Variants in WASL observed in about 807,000 individuals in gnomAD.
WASL encodes the protein WASP like actin nucleation promoting factor, also known as actin nucleation-promoting factor WASL.
WASL carries 20 observed loss-of-function variants against 55.5 expected under a neutral mutation model. That is an observed-to-expected ratio of 0.36 (90% CI 0.25 to 0.52). WASL has a LOEUF of 0.52. Ranked by LOEUF, WASL falls within the 20% of genes least tolerant of loss-of-function variation. The pLI, the probability that WASL is intolerant of heterozygous loss-of-function variation, is 0.92. For synonymous variants in WASL, 249 were observed against 217.6 expected (o/e 1.14, Z -1.27); for missense variants, 504 against 622.5 (o/e 0.81, Z 2.03).
rs780461649 is a variant in WASL, at chr7:123,689,064, C to T, written c.1434G>A (p.Arg478=). The T allele has an allele frequency of 2.5e-6, 4 of 1,611,080 alleles. No individual in the cohort carries two copies. The East Asian group carries it at 6.7e-5, about 27-fold the overall frequency. ...VGALMEVMQK[R]SKAIHSSDED... ...TACCTGAAGAATGAATGGCTTTGCT[C>T]CTTTTCTGCATCACTTCCATTAATG... The change falls in exon 10 of 11, where the codon AGG becomes AGA. Residue 478 remains arginine (R), a synonymous_variant. Transcript: ENST00000223023.
intron 1 of WASL, among the ~76,000 whole-genome samples, chr7:123,724,461 CATA>C (rs1485334340): frequency 3.9e-5 from 6 of 152,140 alleles, no homozygotes; most frequent in African/African-American, 1.2e-4. Flanking sequence ...TCTGTATTCT[CATA>C]ATATTTCATT....
At chr7:123,734,068 G>A (rs768795398) in intron 1 of WASL, among the ~76,000 whole-genome samples, 5 of 152,082 alleles carry the variant, frequency 3.3e-5, no homozygotes, top group Non-Finnish European at 5.9e-5. Context: ...CTGGGGGTCG[G>A]TGATGACTTT....
chr7:123,727,353 T>TCGCACACACACACACACACACA (rs1554406247), intron 1 of WASL, among the ~76,000 whole-genome samples: 1 of 147,710 alleles, frequency 6.8e-6, no homozygotes, highest in African/African-American at 2.5e-5. Context: ...AAAATATGTG[T>TCGCACACACACACACACACACA]CACACACACA....
At chr7:123,702,202 T>G (rs893852306) in intron 5 of WASL, among the ~76,000 whole-genome samples, 1 of 151,952 alleles carries the variant, frequency 6.6e-6, no homozygotes, top group Non-Finnish European at 1.5e-5. Flanking sequence ...ATTACAGACA[T>G]GCGCCACCAT....
chr7:123,731,661 G>A (rs1026030142), intron 1 of WASL, among the ~76,000 whole-genome samples: 5 of 152,068 alleles, frequency 3.3e-5, no homozygotes, highest in African/African-American at 1.2e-4. Context: ...AGGAAAATTC[G>A]TAAATATTTC....
At chr7:123,690,206 G>A (rs184214165) in intron 9 of WASL, among the ~76,000 whole-genome samples, 4 of 152,166 alleles carry the variant, frequency 2.6e-5, no homozygotes, top group Non-Finnish European at 5.9e-5. Context: ...GTAAAGCAGA[G>A]AGCACAAAGC....
In WASL at chr7:123,727,353, T is replaced by TCGCACACACA. The variant is rs1554406247; in HGVS notation, c.118-18131_118-18130insTGTGTGTGCG. ...TGCCCAAAAGAAATAAAAATATGTGTCACACACACACACACACACACACAC... is the reference window on the plus strand; with the variant it reads ...TGCCCAAAAGAAATAAAAATATGTGTCGCACACACACACACACACACACACACACACACAC... On this transcript the variant is annotated intron_variant, in intron 1 of 10. Transcript: ENST00000223023. Among the ~76,000 whole-genome samples the TCGCACACACA allele has an allele frequency of 3.9e-4, 57 of 147,818 alleles. No individual in the cohort carries two copies. In the South Asian group the frequency reaches 5.2e-3, roughly 13 times the overall value.
chr7:123,722,815 C>T (rs1302315489), intron 1 of WASL, among the ~76,000 whole-genome samples: 1 of 151,990 alleles, frequency 6.6e-6, no homozygotes, highest in Non-Finnish European at 1.5e-5. Flanking sequence ...AAAATAACAA[C>T]AAAAATAATA....
intron 5 of WASL, among the ~76,000 whole-genome samples, chr7:123,701,329 G>A (rs1803586090): frequency 6.6e-6 from 1 of 152,110 alleles, no homozygotes; most frequent in Non-Finnish European, 1.5e-5. Context: ...ATGTTCTTGT[G>A]AACAGACATG....
At chr7:123,706,108 C>G (rs1334835892) in intron 4 of WASL, among the ~76,000 whole-genome samples, 169 bp downstream of exon 4, 1 of 152,100 alleles carries the variant, frequency 6.6e-6, no homozygotes, top group Non-Finnish European at 1.5e-5. Context: ...ATATCACTGT[C>G]ATCACTATTT....
chr7:123,746,439 A>T (rs1265815871), intron 1 of WASL, among the ~76,000 whole-genome samples: 1 of 152,198 alleles, frequency 6.6e-6, no homozygotes, highest in Non-Finnish European at 1.5e-5. Context: ...TTATTATGAG[A>T]CAATATATTT....
At position 123,704,657 on chromosome 7, in the gene WASL, T is replaced by C; in HGVS notation, c.437A>G (p.Glu146Gly). ...DLLGRRQRKSEKRRDPPNGPN... is the reference protein window; with the variant it reads ...DLLGRRQRKSGKRRDPPNGPN... ...ACCATTTGGGGGATCTCGTCTTTTC[T>C]CTGTTAGAAAATAAATTAGAAGAAT... is the stretch of plus-strand genomic sequence containing the variant. The change falls in exon 5 of 11, where the codon GAG becomes GGG. Residue 146 changes from glutamate to glycine, a missense_variant and splice_region_variant. Physicochemically the swap from Glu to Gly is moderately conservative, Grantham distance 98 (BLOSUM62 -2). Around this residue, in one of 5 missense-constraint regions of WASL, gnomAD observed 230 missense variants for 271.9 expected, o/e 0.85. Transcript: ENST00000223023. 6.7e-7 allele frequency: 1 copy of C among 1,482,266 alleles called. No individual in the cohort carries two copies. The highest frequency in any genetic ancestry group is 9.2e-7 in the Non-Finnish European group (1 of 1,089,230). 91.8% of individuals were successfully genotyped at this position (1,482,266 alleles called of 1,614,324 possible). A position where few individuals can be genotyped will look rare whatever the true frequency, so the allele number is the denominator to read the frequency against.
At chr7:123,704,119 T>C (rs1803631612) in intron 5 of WASL, among the ~76,000 whole-genome samples, 1 of 152,188 alleles carries the variant, frequency 6.6e-6, no homozygotes, top group African/African-American at 2.4e-5. Flanking sequence ...AAGAGCATTA[T>C]ACAGAGCTAA....
chr7:123,720,964 C>A (rs1274252411), intron 1 of WASL, among the ~76,000 whole-genome samples: 1 of 151,970 alleles, frequency 6.6e-6, no homozygotes, highest in Non-Finnish European at 1.5e-5. Flanking sequence ...GAAACAGTAA[C>A]CTAGCAAGAA....
At chr7:123,706,144 A>G (rs1803666113) in intron 4 of WASL, 133 bp downstream of exon 4, 1 of 844,616 alleles carries the variant, frequency 1.2e-6, no homozygotes, top group African/African-American at 1.7e-5. Flanking sequence ...AAAAATAGCC[A>G]AAGACAACAT....
At chr7:123,738,310 T>C (rs1804272884) in intron 1 of WASL, among the ~76,000 whole-genome samples, 1 of 152,312 alleles carries the variant, frequency 6.6e-6, no homozygotes, top group African/African-American at 2.4e-5. Flanking sequence ...ATGTATACCA[T>C]GTTTCTAGCA....
At chr7:123,704,463 T>C (rs968967530) in intron 5 of WASL, among the ~76,000 whole-genome samples, 171 bp downstream of exon 5, 2 of 152,166 alleles carry the variant, frequency 1.3e-5, no homozygotes, top group African/African-American at 2.4e-5. Flanking sequence ...CACAATAAAC[T>C]GTATAATTTG....
intron 1 of WASL, among the ~76,000 whole-genome samples, chr7:123,728,290 G>A (rs1368935292): frequency 6.6e-5 from 10 of 152,114 alleles, no homozygotes; most frequent in Non-Finnish European, 1.5e-4. Context: ...CAGATTATTG[G>A]AAAATGCAAT....
At chr7:123,738,867 G>A (rs1478915837) in intron 1 of WASL, among the ~76,000 whole-genome samples, 2 of 152,106 alleles carry the variant, frequency 1.3e-5, no homozygotes, top group East Asian at 3.9e-4. Context: ...ACCAATGATA[G>A]GTGATGAGCA....
Sources: gnomAD v4.1 joint callset for allele counts (sites outside exome capture counted in the v4.1 genomes callset) on GRCh38, gnomAD v4.1.1 for gene constraint, gnomAD v4.1.1 regional missense constraint, MANE v1.5 for transcripts, NCBI Gene and HGNC (gene_info 2026-07-23, HGNC 2026-07-21) for gene names.